The following PCDHGA1 variants were observed in gnomAD, a reference collection of about 807,000 sequenced individuals.
PCDHGA1 encodes the protein protocadherin gamma subfamily A, 1, also known as protocadherin gamma-A1.
PCDHGA1 carries 32 observed loss-of-function variants against 58.0 expected under a neutral mutation model. That is an observed-to-expected ratio of 0.55 (90% CI 0.42 to 0.74). The LOEUF is 0.74. Among genes scored for constraint, PCDHGA1 ranks in the 30% least tolerant of loss-of-function variants. The probability of loss-of-function intolerance (pLI) is 0.00; values close to 1 mark genes in which losing one functional copy is unlikely to be tolerated. For missense variants in PCDHGA1, 1,205 were observed against 1,182.3 expected (o/e 1.02, Z -0.28); for synonymous variants, 498 against 501.1 (o/e 0.99, Z 0.08).
At chr5:141,423,167 T>C in intron 1 of PCDHGA1, 1 of 1,613,424 alleles carries the variant, frequency 6.2e-7, no homozygotes, top group Non-Finnish European at 8.5e-7. Context: ...GTGGTGGCCG[T>C]CCAGGACCAC....
intron 1 of PCDHGA1, chr5:141,419,386 G>T: frequency 2.5e-6 from 4 of 1,613,650 alleles, no homozygotes; most frequent in Non-Finnish European, 3.4e-6. Context: ...CCGTGAGCGC[G>T]CAGAGCGGGG....
intron 1 of PCDHGA1, among the ~76,000 whole-genome samples, chr5:141,459,101 C>A (rs1021289352): frequency 6.6e-6 from 1 of 152,192 alleles, no homozygotes; most frequent in Non-Finnish European, 1.5e-5. Context: ...CAGTGCAATG[C>A]ATTTTGACAA....
Position 141,430,658 on chromosome 5 carries a change from G to A in PCDHGA1, c.2422-64149G>A, listed in dbSNP as rs1350572230. ...CCTGGGAGTATGTGGAAACAACGGA[G>A]GAGCTCTGACTTCCCAACTGTCCCA... On this transcript the variant is annotated intron_variant, in intron 1 of 3. Coordinates refer to ENST00000517417, the MANE Select transcript of PCDHGA1 (RefSeq NM_018912.3). The A allele has an allele frequency of 7.2e-6, 8 of 1,105,688 alleles. No individual in the cohort carries two copies. The African/African-American group carries it at 9.5e-5, about 13-fold the overall frequency. The allele number at this position is 1,105,688 out of a possible 1,614,324, so 68.5% of individuals were successfully genotyped here. A position where few individuals can be genotyped will look rare whatever the true frequency, so the allele number is the denominator to read the frequency against.
At chr5:141,415,490 T>C in intron 1 of PCDHGA1, 2 of 1,614,228 alleles carry the variant, frequency 1.2e-6, no homozygotes, top group Admixed American at 3.3e-5. Flanking sequence ...AAGAGTCACC[T>C]GATCTTCCCC....
intron 1 of PCDHGA1, among the ~76,000 whole-genome samples, chr5:141,430,226 T>C (rs1331325242): frequency 6.9e-6 from 1 of 144,216 alleles, no homozygotes; most frequent in Admixed American, 7.0e-5. Context: ...ATATGATTTG[T>C]CAAAAAGAGA....
At position 141,489,748 on chromosome 5, in the gene PCDHGA1, T is replaced by C. The variant is rs763688648; in HGVS notation, c.2422-5059T>C. On this transcript the variant is annotated intron_variant, in intron 1 of 3. Transcript: ENST00000517417. The surrounding 1 kb of genome is among the most constrained non-coding windows in gnomAD (Gnocchi z 4.5). ...TGTGGGCACCAATACTGTGAGCTTT[T>C]ACACTCTAAGCCCCAACAGCCACTT... is the stretch of plus-strand genomic sequence containing the variant. The C allele has an allele frequency of 1.8e-5, 29 of 1,614,038 alleles. No homozygotes were observed. Among genetic ancestry groups the C allele is most frequent in the Non-Finnish European group, 1.6e-5 (19 of 1,180,010 alleles).
At position 141,366,468 on chromosome 5, in the gene PCDHGA1, T is replaced by G. The variant is rs745680725; in HGVS notation, c.2421+33363T>G. 5.0e-6 allele frequency: 8 copies of G among 1,614,130 alleles called. No homozygotes were observed. The Admixed American group carries it at 5.0e-5, about 10-fold the overall frequency. On this transcript the variant is annotated intron_variant, in intron 1 of 3. Coordinates refer to ENST00000517417, the MANE Select transcript of PCDHGA1 (RefSeq NM_018912.3). ...CTGGCCTTCGTCATCGTGCTGCTGG[T>G]GCTCAGACTGAGGCGCTGGCACAAG...
rs769679454 is a variant in PCDHGA1 at position 141,374,960 on chromosome 5, T to C, written c.2421+41855T>C. 15 of 1,614,060 alleles carry C rather than the reference T, an allele frequency of 9.3e-6. No homozygotes were observed. In the East Asian group the frequency reaches 1.6e-4, roughly 17 times the overall value. On this transcript the variant is annotated intron_variant, in intron 1 of 3. Coordinates refer to ENST00000517417, the MANE Select transcript of PCDHGA1 (RefSeq NM_018912.3). ...TACAGAAAAGATCTCACAAATTTTC[T>C]GTTTGAATGTTTTGACTGGAGAAAT...
chr5:141,444,044 T>C (rs188266846), intron 1 of PCDHGA1, among the ~76,000 whole-genome samples: 1 of 152,098 alleles, frequency 6.6e-6, no homozygotes, highest in East Asian at 1.9e-4. Flanking sequence ...ATCAGATAAT[T>C]TGGCATCTTC....
At chr5:141,415,482 G>A in intron 1 of PCDHGA1, 1 of 1,614,218 alleles carries the variant, frequency 6.2e-7, no homozygotes, top group Non-Finnish European at 8.5e-7. Flanking sequence ...ACTCGCGAAA[G>A]AGTCACCTGA....
intron 1 of PCDHGA1, chr5:141,417,894 G>A (rs751319373): frequency 1.3e-5 from 21 of 1,573,688 alleles, no homozygotes; most frequent in African/African-American, 2.7e-5. Context: ...CGCCGGGCCG[G>A]CCCGCGGCAG....
chr5:141,490,846 G>T lies in PCDHGA1; in HGVS notation c.2422-3961G>T. 1 of 1,613,880 alleles carries T rather than the reference G, an allele frequency of 6.2e-7. No individual in the cohort carries two copies. Among genetic ancestry groups the T allele is most frequent in the Non-Finnish European group, 8.5e-7 (1 of 1,179,906 alleles). ...GCAGATGCTGCAGATTGTGGTGGGG[G>T]TTCGAGACTCCGGCTCTCCCCCATT... On this transcript the variant is annotated intron_variant, in intron 1 of 3. Coordinates refer to ENST00000517417, the MANE Select transcript of PCDHGA1 (RefSeq NM_018912.3). This position sits in a 1 kb window ranked among gnomAD's most constrained non-coding sequence, Gnocchi z 5.4.
At chr5:141,428,220 C>T (rs1228544858) in intron 1 of PCDHGA1, 1 of 1,178,786 alleles carries the variant, frequency 8.5e-7, no homozygotes. Flanking sequence ...ACCTAGTCTT[C>T]GCAGACAGCC....
chr5:141,397,087 A>G (rs1386683594), intron 1 of PCDHGA1, among the ~76,000 whole-genome samples: 3 of 152,240 alleles, frequency 2.0e-5, no homozygotes, highest in African/African-American at 7.2e-5. Context: ...AAGTCATTTC[A>G]GATAGGATAA....
At chr5:141,414,117 A>T (rs764001135) in intron 1 of PCDHGA1, 2 of 1,592,602 alleles carry the variant, frequency 1.3e-6, no homozygotes, top group Non-Finnish European at 1.7e-6. Flanking sequence ...TAGATTATGA[A>T]GAAACCGGTT....
intron 1 of PCDHGA1, chr5:141,338,991 T>A (rs1756797183): frequency 6.5e-7 from 1 of 1,544,588 alleles, no homozygotes; most frequent in East Asian, 2.3e-5. Context: ...CTGCAAAAGT[T>A]GCCACACTGC....
At chr5:141,409,614 T>C in intron 1 of PCDHGA1, 1 of 1,613,880 alleles carries the variant, frequency 6.2e-7, no homozygotes, top group Non-Finnish European at 8.5e-7. Flanking sequence ...GGAGCCTCCA[T>C]TGCGCAAGTG....
rs545310006 is a variant in PCDHGA1 at position 141,395,123 on chromosome 5, T to C, written c.2421+62018T>C. ...ACTCGCGGAAGAGTCACCTGATCTTTCCCCAGCCCAACTACGCAGACATGC... is the reference window on the plus strand; with the variant it reads ...ACTCGCGGAAGAGTCACCTGATCTTCCCCCAGCCCAACTACGCAGACATGC... On this transcript the variant is annotated intron_variant, in intron 1 of 3. Coordinates refer to ENST00000517417, the MANE Select transcript of PCDHGA1 (RefSeq NM_018912.3). 2.5e-6 allele frequency: 4 copies of C among 1,614,148 alleles called. No homozygotes were observed. In the Admixed American group the frequency reaches 6.7e-5, roughly 27 times the overall value.
intron 1 of PCDHGA1, chr5:141,365,043 A>AT (rs1763697788): frequency 1.2e-6 from 2 of 1,613,696 alleles, no homozygotes; most frequent in African/African-American, 2.7e-5. Context: ...GCAAACGACA[A>AT]TGCGCCCCTG....
Sources: gnomAD v4.1 joint callset for allele counts (sites outside exome capture counted in the v4.1 genomes callset) on GRCh38, gnomAD v4.1.1 for gene constraint, Gnocchi (gnomAD v3.1) non-coding constraint, MANE v1.5 for transcripts, NCBI Gene and HGNC (gene_info 2026-07-23, HGNC 2026-07-21) for gene names.